The following CDH13 variants were observed in gnomAD, a reference collection of about 807,000 sequenced individuals.
CDH13 encodes cadherin 13.
CDH13 carries 24 observed loss-of-function variants against 63.8 expected under a neutral mutation model. That is an observed-to-expected ratio of 0.38 (90% CI 0.27 to 0.53). CDH13 has a LOEUF of 0.53. Among genes scored for constraint, CDH13 ranks in the 20% least tolerant of loss-of-function variants. The pLI is 0.85. For missense variants in CDH13, 1,049 were observed against 903.1 expected, an observed-to-expected ratio of 1.16 and a Z score of -2.07; for synonymous variants, 503 against 355.3, an observed-to-expected ratio of 1.42 and a Z score of -4.67.
chr16:82,813,761 G>T (rs903280382), intron 1 of CDH13, among the ~76,000 whole-genome samples: 1 of 152,166 alleles, frequency 6.6e-6, no homozygotes, highest in Non-Finnish European at 1.5e-5. Context: ...ACTGCCTGAG[G>T]CTGCCTCCAT....
chr16:83,319,281 C>G (rs1330516668), intron 5 of CDH13, among the ~76,000 whole-genome samples: 1 of 152,182 alleles, frequency 6.6e-6, no homozygotes, highest in African/African-American at 2.4e-5. Context: ...AAATATTTGA[C>G]CTCTAGGATT....
chr16:83,083,893 A>C (rs2033417719), intron 3 of CDH13, among the ~76,000 whole-genome samples: 1 of 152,200 alleles, frequency 6.6e-6, no homozygotes, highest in Non-Finnish European at 1.5e-5. Context: ...TTGAGTTGTC[A>C]ATTTTAAATA....
intron 7 of CDH13, among the ~76,000 whole-genome samples, chr16:83,571,913 G>A (rs544320314): frequency 6.6e-6 from 1 of 152,224 alleles, no homozygotes; most frequent in Admixed American, 6.5e-5. Context: ...CGCTCTGCAT[G>A]GGGACAGATC....
intron 2 of CDH13, among the ~76,000 whole-genome samples, chr16:83,017,028 T>C (rs1184023821): frequency 1.3e-5 from 2 of 152,054 alleles, no homozygotes; most frequent in Non-Finnish European, 2.9e-5. Context: ...ATCTCAAGAG[T>C]TATTTGATAA....
chr16:83,534,369 C>T (rs891152355), intron 7 of CDH13, among the ~76,000 whole-genome samples: 2 of 152,126 alleles, frequency 1.3e-5, no homozygotes, highest in Non-Finnish European at 2.9e-5. Flanking sequence ...TTTTCCTGTT[C>T]TACAAAGGGA....
At chr16:82,927,511 G>C (rs1462479827) in intron 2 of CDH13, among the ~76,000 whole-genome samples, 2 of 152,138 alleles carry the variant, frequency 1.3e-5, no homozygotes, top group Non-Finnish European at 2.9e-5. Context: ...ACCCAAAACA[G>C]ATGTTAAATG....
intron 10 of CDH13, among the ~76,000 whole-genome samples, chr16:83,733,295 C>T (rs539529911): frequency 6.6e-6 from 1 of 152,340 alleles, no homozygotes; most frequent in South Asian, 2.1e-4. Flanking sequence ...TCCGTGAGCG[C>T]ACACTGGACT....
intron 1 of CDH13, among the ~76,000 whole-genome samples, chr16:82,646,839 G>T (rs1238242962): frequency 1.3e-5 from 2 of 152,160 alleles, no homozygotes; most frequent in African/African-American, 4.8e-5. Context: ...TTATAAGCTC[G>T]AGGGAAGCCT....
At chr16:83,442,050 G>A (rs1360104642) in intron 6 of CDH13, among the ~76,000 whole-genome samples, 1 of 152,092 alleles carries the variant, frequency 6.6e-6, no homozygotes, top group Non-Finnish European at 1.5e-5. Flanking sequence ...TTGTCCACAA[G>A]CAAAATAGCC....
At chr16:83,353,930 T>C (rs1431315432) in intron 6 of CDH13, among the ~76,000 whole-genome samples, 1 of 152,234 alleles carries the variant, frequency 6.6e-6, no homozygotes, top group Non-Finnish European at 1.5e-5. Context: ...TCCATCACTC[T>C]ATATTTGGAA....
At chr16:83,714,544 C>T (rs1213609423) in intron 10 of CDH13, among the ~76,000 whole-genome samples, 3 of 152,182 alleles carry the variant, frequency 2.0e-5, no homozygotes, top group African/African-American at 7.2e-5. Flanking sequence ...GTGATGCTTT[C>T]TACCTCTGTA....
intron 6 of CDH13, among the ~76,000 whole-genome samples, chr16:83,485,065 T>G (rs149827153): frequency 6.6e-6 from 1 of 152,308 alleles, no homozygotes; most frequent in Non-Finnish European, 1.5e-5. Flanking sequence ...TTGAAGAGTT[T>G]CCCACATTAG....
In CDH13 at chr16:83,350,150, C is replaced by G. The variant is rs576873983; in HGVS notation, c.781+5144C>G. ...AAGGGAAACCTGGGATCCATCAGCT[C>G]CAATATCCTGTCCTCTTGAGGCCTC... On this transcript the variant is annotated intron_variant, in intron 6 of 13. Transcript: ENST00000567109. Among the ~76,000 whole-genome samples, 155 of 152,274 alleles carry G rather than the reference C, an allele frequency of 1.0e-3. 1 individual carries two copies. Among genetic ancestry groups the G allele is most frequent in the Non-Finnish European group, 3.5e-4 (24 of 68,020 alleles).
At chr16:83,362,341 A>G (rs2091178044) in intron 6 of CDH13, among the ~76,000 whole-genome samples, 1 of 152,246 alleles carries the variant, frequency 6.6e-6, no homozygotes, top group African/African-American at 2.4e-5. Context: ...AATGAAAGAC[A>G]GCTTTTGAAA....
Position 82,888,675 on chromosome 16 carries a change from T to G in CDH13, c.157+30202T>G, listed in dbSNP as rs564151979. 8.5e-5 allele frequency among the ~76,000 whole-genome samples: 13 copies of G among 152,310 alleles called. No homozygotes were observed. In the East Asian group the frequency reaches 2.5e-3, roughly 29 times the overall value. ...CTGTGATGCTTAGCATATGTGAAAC[T>G]CAAGTTTCTTCTGTTCCTGAATGGG... On this transcript the variant is annotated intron_variant, in intron 2 of 13. Coordinates refer to ENST00000567109, the MANE Select transcript of CDH13 (RefSeq NM_001257.5).
intron 6 of CDH13, among the ~76,000 whole-genome samples, chr16:83,451,599 C>A (rs2072888824): frequency 6.6e-6 from 1 of 152,196 alleles, no homozygotes; most frequent in African/African-American, 2.4e-5. Flanking sequence ...CTCACTGCAG[C>A]CTCAACTTCC....
intron 3 of CDH13, among the ~76,000 whole-genome samples, chr16:83,118,495 G>C (rs908445124): frequency 2.6e-5 from 4 of 152,278 alleles, no homozygotes; most frequent in Admixed American, 2.0e-4. Flanking sequence ...AAGCTGGAAG[G>C]GGCTGCGTGT....
chr16:82,680,165 C>A (rs1174189996), intron 1 of CDH13, among the ~76,000 whole-genome samples: 1 of 152,138 alleles, frequency 6.6e-6, no homozygotes, highest in East Asian at 1.9e-4. Context: ...AGGAAGGACT[C>A]CTGGACAGTG....
chr16:82,968,090 C>T (rs1300369589), intron 2 of CDH13, among the ~76,000 whole-genome samples: 1 of 152,202 alleles, frequency 6.6e-6, no homozygotes, highest in Admixed American at 6.5e-5. Context: ...CTCCCCCCAA[C>T]TTAAGAATTT....
Sources: gnomAD v4.1 joint callset for allele counts (sites outside exome capture counted in the v4.1 genomes callset) on GRCh38, gnomAD v4.1.1 for gene constraint, MANE v1.5 for transcripts, NCBI Gene and HGNC (gene_info 2026-07-23, HGNC 2026-07-21) for gene names.